NNT: variants seen among roughly 807,000 people sequenced by gnomAD.
NNT encodes NAD(P) transhydrogenase, mitochondrial.
A neutral mutation model predicts 104.8 loss-of-function variants in NNT; 50 were observed. That is an observed-to-expected ratio of 0.48 (90% confidence interval 0.38 to 0.60). The LOEUF is 0.60. NNT is among the 20% of genes least tolerant of loss of function. The probability of loss-of-function intolerance (pLI) is 0.00; values close to 1 mark genes in which losing one functional copy is unlikely to be tolerated. For synonymous variants in NNT, 461 were observed against 490.4 expected (o/e 0.94, Z 0.79); for missense variants, 1,131 against 1,330.7 (o/e 0.85, Z 2.33).
At chr5:43,648,025 A>C in intron 10 of NNT, 1 of 1,089,684 alleles carries the variant, frequency 9.2e-7, no homozygotes. Flanking sequence ...CAGCAGAACC[A>C]GGATTCAAAC....
At chr5:43,619,293 A>G (rs533977955) in intron 5 of NNT, among the ~76,000 whole-genome samples, 174 bp downstream of exon 5, 2 of 152,282 alleles carry the variant, frequency 1.3e-5, no homozygotes, top group East Asian at 3.9e-4. Context: ...ATTGCTAGAA[A>G]AAAATGAACT....
intron 7 of NNT, among the ~76,000 whole-genome samples, chr5:43,643,986 C>G (rs1232505632): frequency 2.0e-5 from 3 of 152,234 alleles, no homozygotes; most frequent in Non-Finnish European, 4.4e-5. Context: ...TGGCTTCCTC[C>G]TGCACACTGC....
At chr5:43,676,952 G>A (rs1164505741) in intron 18 of NNT, among the ~76,000 whole-genome samples, 1 of 152,150 alleles carries the variant, frequency 6.6e-6, no homozygotes, top group African/African-American at 2.4e-5. Flanking sequence ...ATAGAAAAGT[G>A]GGGACAGATG....
intron 7 of NNT, among the ~76,000 whole-genome samples, chr5:43,641,275 C>G (rs1026500554): frequency 2.0e-5 from 3 of 151,946 alleles, no homozygotes; most frequent in African/African-American, 7.2e-5. Context: ...TATTCTGCTT[C>G]TTTTTTGGCT....
rs368777391 is a variant in NNT, at chr5:43,644,765, C to T, written c.1253C>T (p.Thr418Met). ...GTGAAAGATGACTTTGACTTTGGTA[C>T]GATGGGTCATGTCATTAGAGGAACT... ...FDVKDDFDFG[T>M]MGHVIRGTVV... Residue 418 changes from threonine (T) to methionine (M), a missense_variant, in exon 9 of 22, where the codon ACG becomes ATG. By Grantham distance (81) the Thr-to-Met change is moderately conservative. Transcript: ENST00000344920. 27 of 1,613,894 alleles carry T rather than the reference C, an allele frequency of 1.7e-5. No individual in the cohort carries two copies. The highest frequency in any genetic ancestry group is 2.7e-5 in the African/African-American group (2 of 74,906).
chr5:43,643,174 C>T (rs1217089510), intron 7 of NNT, among the ~76,000 whole-genome samples: 1 of 152,206 alleles, frequency 6.6e-6, no homozygotes, highest in Non-Finnish European at 1.5e-5. Flanking sequence ...CCACCTCAGC[C>T]TCCCAAATTG....
intron 13 of NNT, among the ~76,000 whole-genome samples, chr5:43,652,184 T>A (rs1561292121): frequency 6.6e-6 from 1 of 152,206 alleles, no homozygotes; most frequent in Non-Finnish European, 1.5e-5. Flanking sequence ...TCATTATGTA[T>A]CTAGCTAGAT....
intron 19 of NNT, among the ~76,000 whole-genome samples, chr5:43,682,469 C>G (rs1391676196): frequency 6.6e-6 from 1 of 152,122 alleles, no homozygotes; most frequent in African/African-American, 2.4e-5. Flanking sequence ...CCTTGGCTTC[C>G]CAGAGTGCTG....
At chr5:43,661,928 G>C (rs74334606) in intron 17 of NNT, among the ~76,000 whole-genome samples, 2,350 of 152,242 alleles carry the variant, frequency 0.015, 63 homozygotes, top group African/African-American at 0.049. Flanking sequence ...ATATACCCCA[G>C]TAATGGGATG....
At chr5:43,657,607 T>G (rs943883607) in intron 16 of NNT, among the ~76,000 whole-genome samples, 17 of 152,174 alleles carry the variant, frequency 1.1e-4, no homozygotes, top group African/African-American at 4.1e-4. Flanking sequence ...ACACCTAATT[T>G]ATAGTGTAAA....
At position 43,649,272 on chromosome 5, in the gene NNT, C is replaced by T; in HGVS notation, c.1570C>T (p.His524Tyr). 2.5e-6 allele frequency: 4 copies of T among 1,614,210 alleles called. No homozygotes were observed. Among genetic ancestry groups the T allele is most frequent in the Non-Finnish European group, 2.5e-6 (3 of 1,180,038 alleles). The change falls in exon 11 of 22, where the codon CAC becomes TAC. Residue 524 changes from histidine (H) to tyrosine (Y), a missense_variant. Coordinates refer to ENST00000344920, the MANE Select transcript of NNT (RefSeq NM_182977.3). ...CGTCTGGGGAGTGACCCCTGCTCTC[C>T]ACTCACCACTGATGTCTGTGACAAA... ...HTVWGVTPALHSPLMSVTNAI... is the reference protein window; with the variant it reads ...HTVWGVTPALYSPLMSVTNAI...
chr5:43,670,730 G>A (rs1198166319), intron 17 of NNT, among the ~76,000 whole-genome samples: 1 of 152,232 alleles, frequency 6.6e-6, no homozygotes, highest in African/African-American at 2.4e-5. Context: ...AATAAGTGCA[G>A]TGTGGTGCTG....
intron 19 of NNT, among the ~76,000 whole-genome samples, chr5:43,689,216 A>T (rs1488604452): frequency 6.6e-6 from 1 of 152,080 alleles, no homozygotes; most frequent in African/African-American, 2.4e-5. Context: ...TCCTTAGGCC[A>T]CTTTTAGATG....
chr5:43,627,465 C>A (rs762718252), intron 6 of NNT, among the ~76,000 whole-genome samples: 9 of 152,020 alleles, frequency 5.9e-5, no homozygotes, highest in Non-Finnish European at 8.8e-5. Flanking sequence ...TTAACAAGTA[C>A]CCTGAGTGAT....
At chr5:43,666,348 T>C (rs996042241) in intron 17 of NNT, among the ~76,000 whole-genome samples, 9 of 151,986 alleles carry the variant, frequency 5.9e-5, no homozygotes, top group African/African-American at 1.9e-4. Flanking sequence ...CCCGGCACCT[T>C]GGGAGGCCGA....
chr5:43,669,206 T>A (rs1332624815), intron 17 of NNT, among the ~76,000 whole-genome samples: 2 of 152,116 alleles, frequency 1.3e-5, no homozygotes, highest in African/African-American at 2.4e-5. Context: ...TTTCTAGATA[T>A]ACAATCATGT....
intron 20 of NNT, among the ~76,000 whole-genome samples, chr5:43,701,146 G>T (rs1048899335): frequency 6.6e-6 from 1 of 152,002 alleles, no homozygotes; most frequent in African/African-American, 2.4e-5. Flanking sequence ...TACATGTGCG[G>T]TTTGTTACCT....
chr5:43,661,152 G>A (rs1383041777), intron 17 of NNT, among the ~76,000 whole-genome samples: 1 of 152,146 alleles, frequency 6.6e-6, no homozygotes, highest in East Asian at 1.9e-4. Context: ...ATTACCTGGG[G>A]AATTTGGAAA....
intron 19 of NNT, among the ~76,000 whole-genome samples, chr5:43,694,826 G>T (rs1161263254): frequency 1.3e-5 from 2 of 151,754 alleles, no homozygotes; most frequent in Non-Finnish European, 2.9e-5. Flanking sequence ...TACAGAATGA[G>T]TTAGGGAGGA....
Sources: gnomAD v4.1 joint callset for allele counts (sites outside exome capture counted in the v4.1 genomes callset) on GRCh38, gnomAD v4.1.1 for gene constraint, MANE v1.5 for transcripts, NCBI Gene and HGNC (gene_info 2026-07-23, HGNC 2026-07-21) for gene names.